Variants in MOB3B observed in about 807,000 individuals in gnomAD.
MOB3B encodes the protein MOB kinase activator-like 2B.
A neutral mutation model predicts 18.7 loss-of-function variants in MOB3B; 7 were observed. The ratio of observed to expected loss-of-function variants is 0.37; its 90% CI spans 0.21 to 0.70. MOB3B has a LOEUF of 0.70. Ranked by LOEUF, MOB3B falls within the 30% of genes least tolerant of loss-of-function variation. The pLI is 0.52. For synonymous variants in MOB3B, 111 were observed against 99.9 expected (o/e 1.11, Z -0.66); for missense variants, 253 against 281.3 (o/e 0.90, Z 0.72).
chr9:27,372,274 CA>C (rs1266050387), intron 2 of MOB3B, among the ~76,000 whole-genome samples: 1 of 151,736 alleles, frequency 6.6e-6, no homozygotes, highest in African/African-American at 2.4e-5. Context: ...ACAATCTGAG[CA>C]AAAAAATAGA....
At chr9:27,412,847 G>T (rs1216500904) in intron 2 of MOB3B, among the ~76,000 whole-genome samples, 1 of 152,170 alleles carries the variant, frequency 6.6e-6, no homozygotes, top group African/African-American at 2.4e-5. Flanking sequence ...CACTCTGATG[G>T]TTTACTCACA....
At chr9:27,505,020 A>G (rs1820038679) in intron 1 of MOB3B, among the ~76,000 whole-genome samples, 1 of 152,178 alleles carries the variant, frequency 6.6e-6, no homozygotes, top group African/African-American at 2.4e-5. Flanking sequence ...CCCTGTGGCT[A>G]CACTTGGCCC....
At chr9:27,522,268 A>AAAAG (rs759198026) in intron 1 of MOB3B, among the ~76,000 whole-genome samples, 10,926 of 130,754 alleles carry the variant, frequency 0.084, 551 homozygotes, top group Non-Finnish European at 0.13. Context: ...AAAAAAAAAG[A>AAAAG]AAAGAAAGAA....
rs555911319 is a variant in MOB3B at position 27,404,155 on chromosome 9, T to A, written c.419-44919A>T. ...TATCTCCATGACTACCCTTTTTTTT[T>A]CTTTTTGGTTCCCACATATTAACGA... On this transcript the variant is annotated intron_variant, in intron 2 of 3. Coordinates refer to ENST00000262244, the MANE Select transcript of MOB3B (RefSeq NM_024761.5). 5.3e-5 allele frequency among the ~76,000 whole-genome samples: 8 copies of A among 152,120 alleles called. No homozygotes were observed. In the East Asian group the frequency reaches 1.5e-3, roughly 29 times the overall value.
chr9:27,467,588 G>T (rs561325365), intron 1 of MOB3B, among the ~76,000 whole-genome samples: 2 of 152,380 alleles, frequency 1.3e-5, no homozygotes, highest in South Asian at 4.1e-4. Flanking sequence ...GGATGAGGAA[G>T]AATTTTCCCT....
intron 3 of MOB3B, among the ~76,000 whole-genome samples, chr9:27,346,927 TGGAGGTTGCAG>T (rs1369001278): frequency 6.6e-6 from 1 of 151,898 alleles, no homozygotes; most frequent in Non-Finnish European, 1.5e-5. Flanking sequence ...ACCCAGGAGG[TGGAGGTTGCAG>T]TGAGCCAAGA....
At chr9:27,363,143 A>G (rs769711922) in intron 2 of MOB3B, among the ~76,000 whole-genome samples, 15 of 152,242 alleles carry the variant, frequency 9.9e-5, no homozygotes, top group Non-Finnish European at 2.1e-4. Flanking sequence ...AGAAGTATCC[A>G]ATCTCCATTA....
intron 1 of MOB3B, among the ~76,000 whole-genome samples, chr9:27,499,666 T>A (rs1426305023): frequency 6.6e-6 from 1 of 152,228 alleles, no homozygotes; most frequent in African/African-American, 2.4e-5. Context: ...GAATGGCAAC[T>A]TCTAGTTTGT....
intron 1 of MOB3B, among the ~76,000 whole-genome samples, chr9:27,519,945 C>G (rs1427420077): frequency 6.6e-6 from 1 of 151,976 alleles, no homozygotes; most frequent in Non-Finnish European, 1.5e-5. Context: ...TGATGACCAT[C>G]CTCTGCATGC....
intron 1 of MOB3B, among the ~76,000 whole-genome samples, chr9:27,516,632 A>G (rs976891381): frequency 6.6e-6 from 1 of 152,198 alleles, no homozygotes; most frequent in African/African-American, 2.4e-5. Flanking sequence ...CGAAAAAAAC[A>G]GAAAAAACTA....
At chr9:27,415,131 G>T (rs541097885) in intron 2 of MOB3B, among the ~76,000 whole-genome samples, 1 of 152,264 alleles carries the variant, frequency 6.6e-6, no homozygotes, top group African/African-American at 2.4e-5. Context: ...AAAGTGCTAG[G>T]ATTACAGGTG....
At chr9:27,406,615 G>T (rs1013439166) in intron 2 of MOB3B, among the ~76,000 whole-genome samples, 1 of 152,094 alleles carries the variant, frequency 6.6e-6, no homozygotes, top group Non-Finnish European at 1.5e-5. Context: ...TTCAACAAAG[G>T]TGCCAAGAAC....
chr9:27,445,723 G>C (rs1822679805), intron 2 of MOB3B, among the ~76,000 whole-genome samples: 1 of 152,098 alleles, frequency 6.6e-6, no homozygotes, highest in African/African-American at 2.4e-5. Context: ...GTATTGAAGA[G>C]AGTGATCCAC....
intron 2 of MOB3B, among the ~76,000 whole-genome samples, chr9:27,388,833 T>A (rs1821685381): frequency 1.3e-5 from 2 of 152,140 alleles, no homozygotes; most frequent in African/African-American, 4.8e-5. Flanking sequence ...ATCCTCCGTG[T>A]CTTCTTCCCT....
chr9:27,360,443 T>C (rs1050767420), intron 2 of MOB3B, among the ~76,000 whole-genome samples: 20 of 152,216 alleles, frequency 1.3e-4, no homozygotes, highest in Non-Finnish European at 7.3e-5. Flanking sequence ...AGGTGGAGGT[T>C]GCAGTGAGCC....
chr9:27,389,628 C>T (rs547740477), intron 2 of MOB3B, among the ~76,000 whole-genome samples: 3 of 152,294 alleles, frequency 2.0e-5, no homozygotes. Flanking sequence ...TTTCTAGCTT[C>T]CTTATGATTA....
chr9:27,495,261 G>A (rs548555744), intron 1 of MOB3B, among the ~76,000 whole-genome samples: 6 of 152,222 alleles, frequency 3.9e-5, no homozygotes, highest in South Asian at 2.1e-4. Flanking sequence ...AGCCCTGGAA[G>A]TCAAGGCTGC....
intron 2 of MOB3B, among the ~76,000 whole-genome samples, chr9:27,423,342 C>G (rs1822283651): frequency 6.6e-6 from 1 of 150,946 alleles, no homozygotes; most frequent in Admixed American, 6.6e-5. Flanking sequence ...ACAGTTTTAC[C>G]TGTTCTGTGA....
intron 1 of MOB3B, among the ~76,000 whole-genome samples, chr9:27,475,183 G>T (rs1214991285): frequency 6.6e-6 from 1 of 152,244 alleles, no homozygotes; most frequent in Non-Finnish European, 1.5e-5. Flanking sequence ...CAGCCAGTGA[G>T]GAGCAAAGGC....
Sources: gnomAD v4.1 joint callset for allele counts (sites outside exome capture counted in the v4.1 genomes callset) on GRCh38, gnomAD v4.1.1 for gene constraint, MANE v1.5 for transcripts, NCBI Gene and HGNC (gene_info 2026-07-23, HGNC 2026-07-21) for gene names.